Variants in AFF1 observed in about 807,000 individuals in gnomAD.
AFF1 encodes AF4/FMR2 family member 1.
A neutral mutation model predicts 121.7 loss-of-function variants in AFF1; 48 were observed. The observed-to-expected ratio is 0.39, with a 90% CI of 0.31 to 0.50. The LOEUF (loss-of-function observed/expected upper bound fraction) is 0.50. Among genes scored for constraint, AFF1 ranks in the 20% least tolerant of loss-of-function variants. The pLI is 0.76. For synonymous variants in AFF1, 613 were observed against 563.0 expected (o/e 1.09, Z -1.26); for missense variants, 1,523 against 1,511.7 (o/e 1.01, Z -0.12).
chr4:86,938,862 C>T lies in AFF1; in HGVS notation c.-37+3622C>T, dbSNP rs182830505. 3.9e-5 allele frequency among the ~76,000 whole-genome samples: 6 copies of T among 152,330 alleles called. No individual in the cohort carries two copies. The East Asian group carries it at 1.2e-3, about 29-fold the overall frequency. ...TGTTGTATGCCTTAGGACAGAACTT[C>T]AGTAGTATTCCCGAAGGGAAGAAAA... On this transcript the variant is annotated intron_variant, in intron 1 of 20. Coordinates refer to ENST00000395146, the MANE Select transcript of AFF1 (RefSeq NM_001166693.3).
chr4:87,074,362 G>C (rs1722446344), intron 4 of AFF1, among the ~76,000 whole-genome samples: 1 of 151,814 alleles, frequency 6.6e-6, no homozygotes, highest in Non-Finnish European at 1.5e-5. Flanking sequence ...CATGGCTGCT[G>C]TGCCCACAAT....
At chr4:87,070,968 G>A (rs763566603) in intron 4 of AFF1, among the ~76,000 whole-genome samples, 18 of 152,140 alleles carry the variant, frequency 1.2e-4, no homozygotes, top group Non-Finnish European at 2.2e-4. Context: ...TTAAGTCAAC[G>A]CCAAGACAAC....
Position 87,046,915 on chromosome 4 carries a change from C to T in AFF1, c.380C>T (p.Ala127Val), listed in dbSNP as rs150065985. 4.4e-5 allele frequency: 71 copies of T among 1,614,222 alleles called. No individual in the cohort carries two copies. Among genetic ancestry groups the T allele is most frequent in the African/African-American group, 4.1e-4 (31 of 75,066 alleles). ...SVHHQSIHTP[A>V]SGPLSVGNIS... ...CACCACCAGTCCATTCACACTCCTG[C>T]GTCTGGACCACTTTCTGTTGGCAAC... The change falls in exon 4 of 21, where the codon GCG becomes GTG. Residue 127 changes from alanine to valine, a missense_variant. Around this residue, in one of 5 missense-constraint regions of AFF1, gnomAD observed 369 missense variants for 367.2 expected, o/e 1.00. Transcript: ENST00000395146.
chr4:87,093,545 GTTATATGTCCACAAT>G (rs764389694), intron 7 of AFF1, among the ~76,000 whole-genome samples: 3 of 152,178 alleles, frequency 2.0e-5, no homozygotes, highest in Non-Finnish European at 4.4e-5. Context: ...ATGCCCTAGT[GTTATATGTCCACAAT>G]TGCAAAACCC....
intron 2 of AFF1, among the ~76,000 whole-genome samples, chr4:87,022,613 T>TGTG: frequency 2.8e-5 from 3 of 105,312 alleles, no homozygotes; most frequent in East Asian, 2.4e-4. Context: ...TGTATATATA[T>TGTG]CTGTGTGTGT....
intron 4 of AFF1, among the ~76,000 whole-genome samples, chr4:87,069,971 C>T (rs917114111): frequency 6.6e-6 from 1 of 151,978 alleles, no homozygotes; most frequent in Non-Finnish European, 1.5e-5. Flanking sequence ...CAGGCGTGTG[C>T]CACAACGCCT....
intron 2 of AFF1, among the ~76,000 whole-genome samples, chr4:86,978,503 A>T (rs1723484643): frequency 6.6e-6 from 1 of 151,872 alleles, no homozygotes; most frequent in Non-Finnish European, 1.5e-5. Context: ...TTATATTATG[A>T]TAGAATCTGT....
chr4:87,129,700 A>C (rs752610575), intron 16 of AFF1, among the ~76,000 whole-genome samples: 19 of 152,248 alleles, frequency 1.2e-4, no homozygotes, highest in African/African-American at 2.7e-4. Context: ...AAAATAAAAA[A>C]TGTTAGAATA....
intron 1 of AFF1, among the ~76,000 whole-genome samples, chr4:86,947,654 A>C (rs1720961005): frequency 6.6e-6 from 1 of 152,186 alleles, no homozygotes; most frequent in South Asian, 2.1e-4. Flanking sequence ...CTAGAGAGGG[A>C]AAAGGAAACA....
chr4:87,024,266 C>T (rs1160996869), intron 2 of AFF1, among the ~76,000 whole-genome samples: 2 of 152,036 alleles, frequency 1.3e-5, no homozygotes, highest in African/African-American at 4.8e-5. Context: ...CAAAGGAAGG[C>T]ATAGAAAATG....
chr4:87,045,898 C>T (rs895077803), intron 2 of AFF1, among the ~76,000 whole-genome samples: 7 of 152,110 alleles, frequency 4.6e-5, no homozygotes, highest in Admixed American at 2.0e-4. Context: ...CAGTTTGGAA[C>T]CAGTCCTGAG....
At chr4:87,019,981 C>T (rs1387835475) in intron 2 of AFF1, among the ~76,000 whole-genome samples, 1 of 145,572 alleles carries the variant, frequency 6.9e-6, no homozygotes, top group Non-Finnish European at 1.5e-5. Context: ...CCTCCTCCCA[C>T]GTTTGATCAC....
chr4:87,134,580 A>G lies in AFF1; in HGVS notation c.3421A>G (p.Ser1141Gly). ...VGSSGVAATI[S>G]TPVTIQNMTS... ...GAGCAGTGGGGTGGCTGCCACTATCAGCACCCCAGTCACCATCCAGAATAT... is the reference window on the plus strand; with the variant it reads ...GAGCAGTGGGGTGGCTGCCACTATCGGCACCCCAGTCACCATCCAGAATAT... The change falls in exon 20 of 21, where the codon AGC becomes GGC. Residue 1141 changes from serine to glycine, a missense_variant. Ser to Gly is a moderately conservative substitution (Grantham distance 56, BLOSUM62 0). Transcript: ENST00000395146. The G allele has an allele frequency of 1.2e-6, 2 of 1,614,094 alleles. No individual in the cohort carries two copies. Among genetic ancestry groups the G allele is most frequent in the South Asian group, 1.1e-5 (1 of 91,084 alleles).
At position 87,131,827 on chromosome 4, in the gene AFF1, A is replaced by G. The variant is rs201273564; in HGVS notation, c.3136A>G (p.Thr1046Ala). The change falls in exon 18 of 21, where the codon ACA becomes GCA. Residue 1046 changes from threonine (T) to alanine (A), a missense_variant. By Grantham distance (58) the Thr-to-Ala change is moderately conservative (BLOSUM62 0). Transcript: ENST00000395146. ...IMSLKSFSDA[T>A]APTQEKIFAV... ...GTCATTAAAATCCTTCTCAGATGCCACAGCGCCAACACAAGAGAAAATATT... is the reference window on the plus strand; with the variant it reads ...GTCATTAAAATCCTTCTCAGATGCCGCAGCGCCAACACAAGAGAAAATATT... 1.7e-5 allele frequency: 27 copies of G among 1,595,452 alleles called. No individual in the cohort carries two copies. In the East Asian group the frequency reaches 5.9e-4, roughly 35 times the overall value.
chr4:87,111,403 G>C (rs1726516321), intron 11 of AFF1, among the ~76,000 whole-genome samples: 2 of 151,784 alleles, frequency 1.3e-5, no homozygotes, highest in African/African-American at 4.8e-5. Flanking sequence ...ACCCAGACTG[G>C]AGTGCAGTGG....
chr4:86,986,369 C>A (rs1056200832), intron 2 of AFF1, among the ~76,000 whole-genome samples: 7 of 152,048 alleles, frequency 4.6e-5, no homozygotes, highest in African/African-American at 1.7e-4. Flanking sequence ...CCGTGCCTGG[C>A]CCTGAATCCA....
chr4:86,967,446 T>A (rs1722613359), intron 2 of AFF1, among the ~76,000 whole-genome samples: 1 of 152,204 alleles, frequency 6.6e-6, no homozygotes, highest in Admixed American at 6.5e-5. Flanking sequence ...TTTGACCATG[T>A]ATTTAGGGTA....
At chr4:86,981,531 G>A (rs1354470640) in intron 2 of AFF1, among the ~76,000 whole-genome samples, 1 of 151,910 alleles carries the variant, frequency 6.6e-6, no homozygotes, top group Non-Finnish European at 1.5e-5. Flanking sequence ...ACCATGCCCA[G>A]CTAATTTTTG....
chr4:87,125,099 GTCATCT>G lies in AFF1; in HGVS notation c.2541_2546del (p.Ser849_Ser850del), dbSNP rs745859547. 2.0e-4 allele frequency: 323 copies of G among 1,610,400 alleles called. No homozygotes were observed. Among genetic ancestry groups the G allele is most frequent in the Non-Finnish European group, 2.6e-4 (312 of 1,178,082 alleles). ...GACTGGAGAAGGAAATCAAATCACA[GTCATCT>G]TCATCTTCATCCTCCCACAAAGAAT... On this transcript the variant is annotated inframe_deletion, in exon 13 of 21. Transcript: ENST00000395146.
Sources: gnomAD v4.1 joint callset for allele counts (sites outside exome capture counted in the v4.1 genomes callset) on GRCh38, gnomAD v4.1.1 for gene constraint, gnomAD v4.1.1 regional missense constraint, MANE v1.5 for transcripts, NCBI Gene and HGNC (gene_info 2026-07-23, HGNC 2026-07-21) for gene names.